TAMALIN: variants seen among roughly 807,000 people sequenced by gnomAD.
TAMALIN encodes protein TAMALIN.
Under a neutral mutation model 38.5 loss-of-function variants are expected in TAMALIN, and 9 were observed. The observed-to-expected ratio is 0.23, with a 90% CI of 0.14 to 0.41. The LOEUF is 0.41. Ranked by LOEUF, TAMALIN falls within the 10% of genes least tolerant of loss-of-function variation. TAMALIN has a pLI of 1.00. For synonymous variants in TAMALIN, 306 were observed against 256.5 expected (o/e 1.19, Z -1.85); for missense variants, 548 against 554.1 (o/e 0.99, Z 0.11).
chr12:52,007,081 C>T lies in TAMALIN; in HGVS notation c.62C>T (p.Pro21Leu). Residue 21 changes from proline (P) to leucine (L), a missense_variant, in exon 1 of 8, where the codon CCC becomes CTC. By Grantham distance (98) the Pro-to-Leu change is moderately conservative. This residue lies in a region of TAMALIN where 128 missense variants were observed against 117.9 expected (regional missense o/e 1.09). Transcript: ENST00000293662. The surrounding 1 kb of genome is among the most constrained non-coding windows in gnomAD (Gnocchi z 6.7). ...GAGGAGGCGGCGGCCACCCCGGACC[C>T]CGCCGCCCGGACTCCCGACTCGGAA... ...QKEEAAATPDPAARTPDSEVA... is the reference protein window; with the variant it reads ...QKEEAAATPDLAARTPDSEVA... 1 of 1,476,428 alleles carries T rather than the reference C, an allele frequency of 6.8e-7. No individual in the cohort carries two copies. Among genetic ancestry groups the T allele is most frequent in the East Asian group, 2.9e-5 (1 of 33,996 alleles). 91.5% of individuals were successfully genotyped at this position (1,476,428 alleles called of 1,614,324 possible).
At position 52,011,497 on chromosome 12, in the gene TAMALIN, A is replaced by T; in HGVS notation, c.454+356A>T. 1.8e-6 allele frequency: 1 copy of T among 550,396 alleles called. No individual in the cohort carries two copies. The highest frequency in any genetic ancestry group is 3.3e-6 in the Non-Finnish European group (1 of 307,476). The allele number at this position is 550,396 out of a possible 1,614,324, so 34.1% of individuals were successfully genotyped here. A position where few individuals can be genotyped will look rare whatever the true frequency, so the allele number is the denominator to read the frequency against. ...TCAGCATGGGCAGGAGCCAGGGAAG[A>T]AGCAACATTCCATTAAGTCTGTTTG... On this transcript the variant is annotated intron_variant, in intron 4 of 7. Coordinates refer to ENST00000293662, the MANE Select transcript of TAMALIN (RefSeq NM_181711.4). The surrounding 1 kb of genome is among the most constrained non-coding windows in gnomAD (Gnocchi z 5.3).
At position 52,015,070 on chromosome 12, in the gene TAMALIN, T is replaced by G; in HGVS notation, c.1059T>G (p.Thr353=). 2 of 1,492,712 alleles carry G rather than the reference T, an allele frequency of 1.3e-6. No individual in the cohort carries two copies. The highest frequency in any genetic ancestry group is 1.8e-6 in the Non-Finnish European group (2 of 1,129,164). 92.5% of individuals were successfully genotyped at this position (1,492,712 alleles called of 1,614,324 possible). Residue 353 remains threonine (T), a synonymous_variant, in exon 8 of 8, where the codon ACT becomes ACG. Coordinates refer to ENST00000293662, the MANE Select transcript of TAMALIN (RefSeq NM_181711.4). Reference sequence around the variant, plus strand: ...GGGGCGCGCCGGGCGCGCTCTGGACTGAGGCTCGCGAGCAGGCCCTATGCG... The same window carrying G: ...GGGGCGCGCCGGGCGCGCTCTGGACGGAGGCTCGCGAGCAGGCCCTATGCG... ...GGGGAPGALW[T]EAREQALCGP... is the part of the protein sequence containing the mutation.
rs1937751860 is a variant in TAMALIN, at chr12:52,014,806, G to A, written c.795G>A (p.Val265=). Residue 265 remains valine, a synonymous_variant, in exon 8 of 8, where the codon GTG becomes GTA. Transcript: ENST00000293662. Reference sequence around the variant, plus strand: ...TGCCCTTCGGGCCTCTGCTCGCCGTGCCCGGGCGTCCCCGCGGAGGCGCCC... The same window carrying A: ...TGCCCTTCGGGCCTCTGCTCGCCGTACCCGGGCGTCCCCGCGGAGGCGCCC... ...GSLPFGPLLA[V]PGRPRGGARR... 5 of 1,376,488 alleles carry A rather than the reference G, an allele frequency of 3.6e-6. No individual in the cohort carries two copies. Among genetic ancestry groups the A allele is most frequent in the Admixed American group, 3.5e-5 (1 of 28,396 alleles). The allele number at this position is 1,376,488 out of a possible 1,614,324, so 85.3% of individuals were successfully genotyped here. A position where few individuals can be genotyped will look rare whatever the true frequency, so the allele number is the denominator to read the frequency against.
chr12:52,009,293 T>G, intron 2 of TAMALIN, 54 bp downstream of exon 2: 1 of 1,553,386 alleles, frequency 6.4e-7, no homozygotes. Context: ...AGGTGCTGGG[T>G]TGGGGGGTGC....
chr12:52,015,078 G>C lies in TAMALIN; in HGVS notation c.1067G>C (p.Arg356Pro). ...GAPGALWTEA[R>P]EQALCGPGLR... ...CCGGGCGCGCTCTGGACTGAGGCTC[G>C]CGAGCAGGCCCTATGCGGCCCCGGC... Residue 356 changes from arginine to proline, a missense_variant, in exon 8 of 8, where the codon CGC becomes CCC. Transcript: ENST00000293662. 2.0e-6 allele frequency: 3 copies of C among 1,506,928 alleles called. No individual in the cohort carries two copies. Among genetic ancestry groups the C allele is most frequent in the Non-Finnish European group, 2.6e-6 (3 of 1,136,380 alleles). The allele number at this position is 1,506,928 out of a possible 1,614,324, so 93.3% of individuals were successfully genotyped here.
rs761789530 is a variant in TAMALIN, at chr12:52,013,820, G to A, written c.548+40G>A. 2.5e-6 allele frequency: 4 copies of A among 1,612,788 alleles called. No homozygotes were observed. The South Asian group carries it at 4.4e-5, about 18-fold the overall frequency. ...CGAGGTGCCTGAATTCCTGAGCTCAGCCTCTTGGTATTTCCTCAGCCTGTG... is the reference window on the plus strand; with the variant it reads ...CGAGGTGCCTGAATTCCTGAGCTCAACCTCTTGGTATTTCCTCAGCCTGTG... On this transcript the variant is annotated intron_variant, in intron 5 of 7. Coordinates refer to ENST00000293662, the MANE Select transcript of TAMALIN (RefSeq NM_181711.4).
chr12:52,009,095 A>G lies in TAMALIN; in HGVS notation c.247-95A>G. On this transcript the variant is annotated intron_variant, in intron 1 of 7. Coordinates refer to ENST00000293662, the MANE Select transcript of TAMALIN (RefSeq NM_181711.4). ...TGGATGTGGAGCTGGGAAGGGGCAG[A>G]CAGGAAGTGGGTCGCTGTGTCCAGG... 5 of 1,194,952 alleles carry G rather than the reference A, an allele frequency of 4.2e-6. No individual in the cohort carries two copies. In the East Asian group the frequency reaches 1.2e-4, roughly 28 times the overall value. The allele number at this position is 1,194,952 out of a possible 1,614,324, so 74.0% of individuals were successfully genotyped here.
At position 52,007,992 on chromosome 12, in the gene TAMALIN, T is replaced by C. The variant is rs1565629611; in HGVS notation, c.246+727T>C. On this transcript the variant is annotated intron_variant, in intron 1 of 7. Coordinates refer to ENST00000293662, the MANE Select transcript of TAMALIN (RefSeq NM_181711.4). This position sits in a 1 kb window ranked among gnomAD's most constrained non-coding sequence, Gnocchi z 6.7. The stretch of plus-strand genomic sequence containing the variant: ...GCTCAGAACCTACACAACACCAGGT[T>C]AAGAAGAGGGGCCTGGTGGCCTTTC... The C allele has an allele frequency of 1.0e-6, 1 of 985,274 alleles. No homozygotes were observed. Among genetic ancestry groups the C allele is most frequent in the Non-Finnish European group, 1.2e-6 (1 of 829,928 alleles). 61.0% of individuals were successfully genotyped at this position (985,274 alleles called of 1,614,324 possible). A position where few individuals can be genotyped will look rare whatever the true frequency, so the allele number is the denominator to read the frequency against.
chr12:52,007,128 C>G lies in TAMALIN; in HGVS notation c.109C>G (p.Pro37Ala). 6.7e-7 allele frequency: 1 copy of G among 1,487,114 alleles called. No individual in the cohort carries two copies. The highest frequency in any genetic ancestry group is 8.9e-7 in the Non-Finnish European group (1 of 1,126,772). The allele number at this position is 1,487,114 out of a possible 1,614,324, so 92.1% of individuals were successfully genotyped here. A position where few individuals can be genotyped will look rare whatever the true frequency, so the allele number is the denominator to read the frequency against. Reference sequence around the variant, plus strand: ...GGAAGTCGCGCCCGCCGCTCCGGTCCCGACCCCGGGACCCCCTGCCGCAGC... The same window carrying G: ...GGAAGTCGCGCCCGCCGCTCCGGTCGCGACCCCGGGACCCCCTGCCGCAGC... Reference protein sequence around the residue: ...DSEVAPAAPVPTPGPPAAAAT... With the variant: ...DSEVAPAAPVATPGPPAAAAT... Residue 37 changes from proline to alanine, a missense_variant, in exon 1 of 8, where the codon CCG becomes GCG. Coordinates refer to ENST00000293662, the MANE Select transcript of TAMALIN (RefSeq NM_181711.4). The surrounding 1 kb of genome is among the most constrained non-coding windows in gnomAD (Gnocchi z 6.7).
chr12:52,008,078 G>A, intron 1 of TAMALIN: 1 of 985,458 alleles, frequency 1.0e-6, no homozygotes. Flanking sequence ...TGAACAGCTT[G>A]TTGAGAATTT....
Position 52,007,827 on chromosome 12 carries a change from G to GC in TAMALIN, c.246+564dup. On this transcript the variant is annotated intron_variant, in intron 1 of 7. Coordinates refer to ENST00000293662, the MANE Select transcript of TAMALIN (RefSeq NM_181711.4). This position sits in a 1 kb window ranked among gnomAD's most constrained non-coding sequence, Gnocchi z 6.7. ...CACGTCTGACGTACGGGGCGCGAGG[G>GC]CCACTGCTCCCTGGACTTCTGTCGG... 1.0e-6 allele frequency: 1 copy of GC among 985,454 alleles called. No individual in the cohort carries two copies. Among genetic ancestry groups the GC allele is most frequent in the Non-Finnish European group, 1.2e-6 (1 of 829,930 alleles). 61.0% of individuals were successfully genotyped at this position (985,454 alleles called of 1,614,324 possible).
Position 52,014,767 on chromosome 12 carries a change from G to A in TAMALIN, c.756G>A (p.Leu252=), listed in dbSNP as rs2120860060. 2 of 1,481,702 alleles carry A rather than the reference G, an allele frequency of 1.3e-6. No homozygotes were observed. The highest frequency in any genetic ancestry group is 1.3e-5 in the South Asian group (1 of 76,238). 91.8% of individuals were successfully genotyped at this position (1,481,702 alleles called of 1,614,324 possible). The change falls in exon 8 of 8, where the codon CTG becomes CTA. Residue 252 remains leucine, a synonymous_variant. Transcript: ENST00000293662. ...GCTCCTGCCTCTACGGCGCGGGCCTGCTCCCGGGCTCGCTGCCCTTCGGGC... is the reference window on the plus strand; with the variant it reads ...GCTCCTGCCTCTACGGCGCGGGCCTACTCCCGGGCTCGCTGCCCTTCGGGC... ...SVRSCLYGAG[L]LPGSLPFGPL...
Position 52,013,674 on chromosome 12 carries a change from G to T in TAMALIN, c.455-13G>T. ...CCCATGGAGCAAATCTAACCCCCTT[G>T]TCTGCCTGGCAGGGGACACCATCGC... On this transcript the variant is annotated splice_polypyrimidine_tract_variant and intron_variant, in intron 4 of 7. Coordinates refer to ENST00000293662, the MANE Select transcript of TAMALIN (RefSeq NM_181711.4). 6.2e-7 allele frequency: 1 copy of T among 1,613,212 alleles called. No individual in the cohort carries two copies. Among genetic ancestry groups the T allele is most frequent in the Non-Finnish European group, 8.5e-7 (1 of 1,179,296 alleles).
chr12:52,012,665 G>A (rs1383156349), intron 4 of TAMALIN, among the ~76,000 whole-genome samples: 1 of 152,132 alleles, frequency 6.6e-6, no homozygotes. Flanking sequence ...TAGCCAAGTG[G>A]TATACTACAA....
Position 52,011,326 on chromosome 12 carries a change from C to A in TAMALIN, c.454+185C>A. On this transcript the variant is annotated intron_variant, in intron 4 of 7. Transcript: ENST00000293662. This position sits in a 1 kb window ranked among gnomAD's most constrained non-coding sequence, Gnocchi z 5.3. The stretch of plus-strand genomic sequence containing the variant: ...GCAAATTTGCCATGTACTGTGTGAT[C>A]TTGCACAGCCCCATCTACAAAATGA... The A allele has an allele frequency of 1.1e-6, 1 of 919,610 alleles. No individual in the cohort carries two copies. The highest frequency in any genetic ancestry group is 1.5e-5 in the South Asian group (1 of 66,854). The allele number at this position is 919,610 out of a possible 1,614,324, so 57.0% of individuals were successfully genotyped here. A position where few individuals can be genotyped will look rare whatever the true frequency, so the allele number is the denominator to read the frequency against.
At chr12:52,014,343 A>G in intron 7 of TAMALIN, 142 bp downstream of exon 7, 2 of 742,976 alleles carry the variant, frequency 2.7e-6, no homozygotes, top group Admixed American at 2.1e-5. Flanking sequence ...TTGAGCTACT[A>G]CTACTTTGGG....
Position 52,007,011 on chromosome 12 carries a change from G to A in TAMALIN, c.-9G>A, listed in dbSNP as rs1942421948. Reference sequence around the variant, plus strand: ...GCGCCGTCTCTGAGGGGCGTCCGGCGCCGGAGCCATGACCCTCCGCCGACT... The same window carrying A: ...GCGCCGTCTCTGAGGGGCGTCCGGCACCGGAGCCATGACCCTCCGCCGACT... On this transcript the variant is annotated 5_prime_UTR_variant, in exon 1 of 8. Coordinates refer to ENST00000293662, the MANE Select transcript of TAMALIN (RefSeq NM_181711.4). This position sits in a 1 kb window ranked among gnomAD's most constrained non-coding sequence, Gnocchi z 6.7. 4 of 1,382,464 alleles carry A rather than the reference G, an allele frequency of 2.9e-6. No individual in the cohort carries two copies. In the South Asian group the frequency reaches 4.8e-5, roughly 17 times the overall value. The allele number at this position is 1,382,464 out of a possible 1,614,324, so 85.6% of individuals were successfully genotyped here.
At chr12:52,014,548 T>G (rs1175972154) in intron 7 of TAMALIN, 146 bp from the exon 8 acceptor site, 9 of 641,718 alleles carry the variant, frequency 1.4e-5, no homozygotes, top group Non-Finnish European at 2.1e-5. Flanking sequence ...GTGAGGGAAG[T>G]AGGGTCTCAG....
chr12:52,015,861 C>T lies in TAMALIN; in HGVS notation c.*662C>T, dbSNP rs578180473. On this transcript the variant is annotated 3_prime_UTR_variant, in exon 8 of 8. Coordinates refer to ENST00000293662, the MANE Select transcript of TAMALIN (RefSeq NM_181711.4). ...TGTGCATATTGTTGCTTCTGAACCA[C>T]AAACTGTATAAATGGATGGTTTTTT... 6.5e-6 allele frequency: 1 copy of T among 152,900 alleles called. No individual in the cohort carries two copies. The highest frequency in any genetic ancestry group is 1.9e-4 in the East Asian group (1 of 5,182). 9.5% of individuals were successfully genotyped at this position (152,900 alleles called of 1,614,324 possible). A position where few individuals can be genotyped will look rare whatever the true frequency, so the allele number is the denominator to read the frequency against.
Sources: allele counts gnomAD v4.1 joint callset (sites outside exome capture counted in the v4.1 genomes callset), GRCh38; gene constraint gnomAD v4.1.1; regional missense constraint gnomAD v4.1.1; non-coding constraint Gnocchi (gnomAD v3.1); transcripts MANE v1.5; gene names NCBI Gene and HGNC (gene_info 2026-07-23, HGNC 2026-07-21).